Variants in AGPS observed in about 807,000 individuals in gnomAD.
AGPS encodes the protein alkylglycerone phosphate synthase.
In AGPS, 26 loss-of-function variants were observed where a neutral mutation model predicts 90.7. The observed-to-expected ratio is 0.29, with a 90% CI of 0.21 to 0.40. AGPS has a LOEUF of 0.40. AGPS is among the 10% of genes least tolerant of loss of function. The pLI, the probability that AGPS is intolerant of heterozygous loss-of-function variation, is 1.00. For synonymous variants in AGPS, 294 were observed against 285.3 expected, an observed-to-expected ratio of 1.03 and a Z score of -0.31; for missense variants, 540 against 816.1, an observed-to-expected ratio of 0.66 and a Z score of 4.12.
chr2:177,523,454 C>G (rs543322673), intron 18 of AGPS, among the ~76,000 whole-genome samples: 1 of 152,250 alleles, frequency 6.6e-6, no homozygotes, highest in East Asian at 1.9e-4. Flanking sequence ...TACAACTTTG[C>G]AGTTATTAAT....
At chr2:177,431,934 T>C (rs143822301) in intron 2 of AGPS, among the ~76,000 whole-genome samples, 1 of 152,342 alleles carries the variant, frequency 6.6e-6, no homozygotes, top group East Asian at 1.9e-4. Flanking sequence ...GCATAAGAAA[T>C]TATAAGAGTA....
intron 16 of AGPS, among the ~76,000 whole-genome samples, chr2:177,511,077 G>A (rs1688855988): frequency 6.6e-6 from 1 of 152,096 alleles, no homozygotes; most frequent in Non-Finnish European, 1.5e-5. Context: ...GATATTTTAA[G>A]GGTTGGAGAT....
intron 1 of AGPS, among the ~76,000 whole-genome samples, chr2:177,417,891 A>T (rs553552001): frequency 6.6e-6 from 1 of 152,218 alleles, no homozygotes; most frequent in Non-Finnish European, 1.5e-5. Flanking sequence ...TTTGGTGGGG[A>T]TGGGGTTAGA....
intron 1 of AGPS, among the ~76,000 whole-genome samples, chr2:177,410,387 T>G (rs1215819538): frequency 6.6e-6 from 1 of 152,160 alleles, no homozygotes; most frequent in Non-Finnish European, 1.5e-5. Flanking sequence ...CCCTCGGAAG[T>G]TAGGAATTCC....
chr2:177,531,481 A>T (rs1243714066), intron 19 of AGPS, among the ~76,000 whole-genome samples: 1 of 152,174 alleles, frequency 6.6e-6, no homozygotes, highest in Non-Finnish European at 1.5e-5. Context: ...AATCTTGATG[A>T]AAGAAATCAA....
At chr2:177,467,261 G>T (rs892805002) in intron 9 of AGPS, among the ~76,000 whole-genome samples, 81 of 152,138 alleles carry the variant, frequency 5.3e-4, no homozygotes, top group African/African-American at 1.9e-3. Context: ...ACATGTAAAT[G>T]AACAGGTTTG....
rs1232354171 is a variant in AGPS, at chr2:177,538,624, G to A, written c.*429G>A. 2 of 247,902 alleles carry A rather than the reference G, an allele frequency of 8.1e-6. No homozygotes were observed. The highest frequency in any genetic ancestry group is 7.9e-6 in the Non-Finnish European group (1 of 126,736). 15.4% of individuals were successfully genotyped at this position (247,902 alleles called of 1,614,324 possible). On this transcript the variant is annotated 3_prime_UTR_variant, in exon 20 of 20. Coordinates refer to ENST00000264167, the MANE Select transcript of AGPS (RefSeq NM_003659.4). ...AGGATTCCACTGAGGAGTGATACAC[G>A]TGTACATTGTTTAAGAGCATAGTCT...
At chr2:177,412,920 G>A (rs1685661233) in intron 1 of AGPS, among the ~76,000 whole-genome samples, 1 of 152,128 alleles carries the variant, frequency 6.6e-6, no homozygotes. Context: ...AGCCCGATCG[G>A]GAGTGGCAAT....
At chr2:177,481,630 A>C (rs1353942119) in intron 10 of AGPS, among the ~76,000 whole-genome samples, 1 of 151,982 alleles carries the variant, frequency 6.6e-6, no homozygotes, top group Non-Finnish European at 1.5e-5. Context: ...TTCTCATTGA[A>C]GGTTAGGGTT....
intron 2 of AGPS, among the ~76,000 whole-genome samples, chr2:177,422,258 G>A (rs1345198271): frequency 2.0e-5 from 3 of 152,114 alleles, no homozygotes; most frequent in Non-Finnish European, 4.4e-5. Context: ...ATACTTGTTA[G>A]TGCCCTTTCT....
intron 19 of AGPS, among the ~76,000 whole-genome samples, chr2:177,524,302 G>C (rs774294481): frequency 6.6e-6 from 1 of 152,126 alleles, no homozygotes; most frequent in Non-Finnish European, 1.5e-5. Flanking sequence ...TTATTACTTA[G>C]TGGTCATTTT....
intron 5 of AGPS, among the ~76,000 whole-genome samples, chr2:177,440,330 G>A (rs1291499233): frequency 6.6e-6 from 1 of 152,102 alleles, no homozygotes; most frequent in East Asian, 1.9e-4. Flanking sequence ...AATGAGACAT[G>A]TTCATATCAT....
At chr2:177,512,822 C>T (rs1475571550) in intron 16 of AGPS, among the ~76,000 whole-genome samples, 2 of 152,120 alleles carry the variant, frequency 1.3e-5, no homozygotes, top group East Asian at 1.9e-4. Context: ...AGTAAGCTAT[C>T]GAACATTTGA....
chr2:177,401,568 A>G (rs2105586881), intron 1 of AGPS, among the ~76,000 whole-genome samples: 1 of 150,862 alleles, frequency 6.6e-6, no homozygotes, highest in South Asian at 2.1e-4. Flanking sequence ...TTTTTGCGAC[A>G]GAGTCTCGCT....
In AGPS at chr2:177,482,193, G is replaced by T. The variant is rs1559066444; in HGVS notation, c.1233+7G>T. On this transcript the variant is annotated splice_region_variant and intron_variant, in intron 11 of 19. Transcript: ENST00000264167. The stretch of plus-strand genomic sequence containing the variant: ...AAGAGAAATTGCAAAACAGGTAAAA[G>T]AAAAAATATATATATATACATACAT... 1 of 1,464,482 alleles carries T rather than the reference G, an allele frequency of 6.8e-7. No individual in the cohort carries two copies. Among genetic ancestry groups the T allele is most frequent in the African/African-American group, 1.4e-5 (1 of 70,520 alleles). 90.7% of individuals were successfully genotyped at this position (1,464,482 alleles called of 1,614,324 possible).
intron 17 of AGPS, among the ~76,000 whole-genome samples, chr2:177,516,991 T>C (rs926796707): frequency 2.0e-5 from 3 of 152,166 alleles, no homozygotes; most frequent in Non-Finnish European, 4.4e-5. Context: ...GTAGCATTGT[T>C]AAACAGTTCA....
chr2:177,534,760 AT>A (rs1273157663), intron 19 of AGPS, among the ~76,000 whole-genome samples: 2 of 150,410 alleles, frequency 1.3e-5, no homozygotes, highest in Non-Finnish European at 3.0e-5. Context: ...CTTATTTTTT[AT>A]TTTTTTATTT....
At position 177,538,460 on chromosome 2, in the gene AGPS, T is replaced by C. The variant is rs2079203352; in HGVS notation, c.*265T>C. On this transcript the variant is annotated 3_prime_UTR_variant, in exon 20 of 20. Coordinates refer to ENST00000264167, the MANE Select transcript of AGPS (RefSeq NM_003659.4). Reference sequence around the variant, plus strand: ...ATTTTAGTCAGGCAGCACAAAGCTGTCAATTATTCCAGAGGAAGCTGCTGC... The same window carrying C: ...ATTTTAGTCAGGCAGCACAAAGCTGCCAATTATTCCAGAGGAAGCTGCTGC... 2.2e-6 allele frequency: 1 copy of C among 445,888 alleles called. No homozygotes were observed. The highest frequency in any genetic ancestry group is 4.1e-6 in the Non-Finnish European group (1 of 246,758). 27.6% of individuals were successfully genotyped at this position (445,888 alleles called of 1,614,324 possible). A position where few individuals can be genotyped will look rare whatever the true frequency, so the allele number is the denominator to read the frequency against.
intron 19 of AGPS, among the ~76,000 whole-genome samples, chr2:177,536,692 A>C (rs1574041213): frequency 6.6e-6 from 1 of 151,978 alleles, no homozygotes; most frequent in South Asian, 2.1e-4. Context: ...TTTCATTTTG[A>C]ATTTAAGGTT....
Sources: allele counts gnomAD v4.1 joint callset (sites outside exome capture counted in the v4.1 genomes callset), GRCh38; gene constraint gnomAD v4.1.1; transcripts MANE v1.5; gene names NCBI Gene and HGNC (gene_info 2026-07-23, HGNC 2026-07-21).